MIS18A: variants seen among roughly 807,000 people sequenced by gnomAD.
The protein encoded by MIS18A is MIS18 kinetochore protein A.
In MIS18A, 14 loss-of-function variants were observed where a neutral mutation model predicts 25.0. That is an observed-to-expected ratio of 0.56 (90% CI 0.37 to 0.88). The LOEUF (loss-of-function observed/expected upper bound fraction) is 0.88, where lower values mean the gene tolerates loss of function less well. Among genes scored for constraint, MIS18A ranks in the 40% least tolerant of loss-of-function variants. MIS18A has a pLI of 0.00. For missense variants in MIS18A, 292 were observed against 290.8 expected (o/e 1.00, Z -0.03); for synonymous variants, 134 against 118.6 (o/e 1.13, Z -0.84).
the MIS18A span, among the ~76,000 whole-genome samples, chr21:32,236,634 T>C: frequency 6.6e-6 from 1 of 152,150 alleles, no homozygotes; most frequent in African/African-American, 2.4e-5. Flanking sequence ...GGTTCATCAT[T>C]GCATCTGGAC....
chr21:32,164,489 C>T, the MIS18A span, among the ~76,000 whole-genome samples: 1 of 151,950 alleles, frequency 6.6e-6, no homozygotes, highest in African/African-American at 2.4e-5. Flanking sequence ...AGTGTGTTAC[C>T]CCTGTACAAA....
the MIS18A span, among the ~76,000 whole-genome samples, chr21:32,201,642 G>C: frequency 6.6e-6 from 1 of 151,966 alleles, no homozygotes; most frequent in Admixed American, 6.6e-5. Context: ...GCAATATAGT[G>C]AGCCCCTGTT....
the MIS18A span, among the ~76,000 whole-genome samples, chr21:32,179,351 A>G: frequency 5.9e-5 from 9 of 152,172 alleles, no homozygotes; most frequent in South Asian, 4.1e-4. Context: ...GAGAAGTCCC[A>G]GGTTTAGTGG....
At chr21:32,165,703 A>G in the MIS18A span, among the ~76,000 whole-genome samples, 2 of 152,170 alleles carry the variant, frequency 1.3e-5, no homozygotes, top group Non-Finnish European at 2.9e-5. Flanking sequence ...GGGGCAAGAA[A>G]GACTCAGCCT....
chr21:32,178,693 T>G, the MIS18A span, among the ~76,000 whole-genome samples: 1 of 152,160 alleles, frequency 6.6e-6, no homozygotes, highest in Non-Finnish European at 1.5e-5. Context: ...AGGTACTCTT[T>G]CCTTATCCTA....
chr21:32,165,984 T>G, the MIS18A span, among the ~76,000 whole-genome samples: 1 of 152,160 alleles, frequency 6.6e-6, no homozygotes, highest in African/African-American at 2.4e-5. Context: ...AAGCTGATAT[T>G]AAAACCCCAT....
chr21:32,180,389 C>A, the MIS18A span, among the ~76,000 whole-genome samples: 90,428 of 151,926 alleles, frequency 0.6, 27,703 homozygotes, highest in African/African-American at 0.74. Context: ...CCCAAGGCTT[C>A]CCTCTGCAAC....
At chr21:32,220,379 A>G in the MIS18A span, among the ~76,000 whole-genome samples, 1 of 152,230 alleles carries the variant, frequency 6.6e-6, no homozygotes, top group African/African-American at 2.4e-5. Context: ...GACCTGCAGA[A>G]GAGGGTCCTG....
At chr21:32,256,801 G>C in the MIS18A span, among the ~76,000 whole-genome samples, 1 of 152,094 alleles carries the variant, frequency 6.6e-6, no homozygotes. Flanking sequence ...TTCTCAGACT[G>C]ATGATCTGTG....
At chr21:32,159,467 A>G in the MIS18A span, among the ~76,000 whole-genome samples, 1 of 152,226 alleles carries the variant, frequency 6.6e-6, no homozygotes, top group South Asian at 2.1e-4. Context: ...ACAGGCAAAA[A>G]TCATTTTGTC....
the MIS18A span, among the ~76,000 whole-genome samples, chr21:32,235,556 A>T: frequency 6.6e-6 from 1 of 152,230 alleles, no homozygotes; most frequent in Non-Finnish European, 1.5e-5. Context: ...GTGTTGACAC[A>T]TGAGGTGAAA....
the MIS18A span, among the ~76,000 whole-genome samples, chr21:32,197,466 A>G: frequency 1.5e-4 from 23 of 152,334 alleles, no homozygotes; most frequent in African/African-American, 5.3e-4. Context: ...TAATGAACCC[A>G]AGGATCCAAG....
At chr21:32,167,359 T>A in the MIS18A span, among the ~76,000 whole-genome samples, 5 of 152,264 alleles carry the variant, frequency 3.3e-5, no homozygotes, top group African/African-American at 9.6e-5. Context: ...ATATAGATTT[T>A]AAAATAACTG....
the MIS18A span, among the ~76,000 whole-genome samples, chr21:32,246,418 C>T: frequency 6.6e-6 from 1 of 152,162 alleles, no homozygotes; most frequent in Non-Finnish European, 1.5e-5. Context: ...AGGAAACCCA[C>T]TACTGTGCCT....
chr21:32,204,969 T>G, the MIS18A span, among the ~76,000 whole-genome samples: 15 of 152,164 alleles, frequency 9.9e-5, no homozygotes, highest in Non-Finnish European at 2.2e-4. Flanking sequence ...GAAGGATAAA[T>G]GGCATAGCCT....
At chr21:32,195,045 G>A in the MIS18A span, among the ~76,000 whole-genome samples, 39,577 of 151,816 alleles carry the variant, frequency 0.26, 5,210 homozygotes, top group South Asian at 0.29. Flanking sequence ...CCATTTAAGA[G>A]TTTTAAATAA....
chr21:32,218,158 A>G, the MIS18A span, among the ~76,000 whole-genome samples: 1 of 144,430 alleles, frequency 6.9e-6, no homozygotes, highest in Non-Finnish European at 1.5e-5. Flanking sequence ...GGGCCACTGC[A>G]TTCTAGCCTA....
At chr21:32,263,397 A>G (rs947202073), downstream of MIS18A, among the ~76,000 whole-genome samples, 11 of 152,056 alleles carry the variant, frequency 7.2e-5, no homozygotes, top group South Asian at 2.1e-4. Flanking sequence ...GGAGTTTGAG[A>G]CCAGCCTGGC....
the MIS18A span, among the ~76,000 whole-genome samples, chr21:32,221,955 T>A: frequency 6.6e-6 from 1 of 151,998 alleles, no homozygotes; most frequent in African/African-American, 2.4e-5. Flanking sequence ...TAACCTTAAA[T>A]GTAAATGGGC....
Sources: allele counts gnomAD v4.1 joint callset (sites outside exome capture counted in the v4.1 genomes callset), GRCh38; gene constraint gnomAD v4.1.1; transcripts MANE v1.5; gene names NCBI Gene and HGNC (gene_info 2026-07-23, HGNC 2026-07-21).